CCDC92B: variants seen among roughly 807,000 people sequenced by gnomAD.
CCDC92B encodes the protein coiled-coil domain containing 92B.
A neutral mutation model predicts 5.6 loss-of-function variants in CCDC92B; 2 were observed. The ratio of observed to expected loss-of-function variants is 0.36; its 90% CI spans 0.15 to 1.12. CCDC92B has a LOEUF of 1.12. Ranked by LOEUF, CCDC92B falls within the 50% of genes most tolerant of loss-of-function variation. The pLI, the probability that CCDC92B is intolerant of heterozygous loss-of-function variation, is 0.40. For missense variants in CCDC92B, 271 were observed against 262.2 expected (o/e 1.03, Z -0.23); for synonymous variants, 115 against 122.3 (o/e 0.94, Z 0.39).
At chr17:2,732,710 C>A (rs1014256309) in intron 2 of CCDC92B, among the ~76,000 whole-genome samples, 1 of 150,816 alleles carries the variant, frequency 6.6e-6, no homozygotes, top group Non-Finnish European at 1.5e-5. Flanking sequence ...GAGCAAGACT[C>A]TGTTGTAAAA....
At chr17:2,745,066 C>CAAAAA (rs60179555) in intron 1 of CCDC92B, among the ~76,000 whole-genome samples, 1 of 79,338 alleles carries the variant, frequency 1.3e-5, no homozygotes, top group Non-Finnish European at 2.3e-5. Flanking sequence ...GACCCTGTCT[C>CAAAAA]AAAAAAAAAA....
chr17:2,724,932 C>T lies in CCDC92B; in HGVS notation c.247G>A (p.Ala83Thr), dbSNP rs1435187701. 19 of 985,362 alleles carry T rather than the reference C, an allele frequency of 1.9e-5. No homozygotes were observed. Among genetic ancestry groups the T allele is most frequent in the Non-Finnish European group, 2.2e-5 (18 of 830,012 alleles). The allele number at this position is 985,362 out of a possible 1,614,324, so 61.0% of individuals were successfully genotyped here. Residue 83 changes from alanine to threonine, a missense_variant, in exon 4 of 4, where the codon GCC (alanine) becomes ACC (threonine). By Grantham distance (58) the Ala-to-Thr change is moderately conservative (BLOSUM62 0). Coordinates refer to ENST00000614400, the MANE Select transcript of CCDC92B (RefSeq NM_001355573.2). This position sits in a 1 kb window ranked among gnomAD's most constrained non-coding sequence, Gnocchi z 5.0. ...ACCTCCCGCCGCAGCTCCGCGTTGG[C>T]CGCAGCACGCGCCTCCAGCTGCGAC... Reference protein sequence around the residue: ...LESQLEARAAANAELRREVAQ... With the variant: ...LESQLEARAATNAELRREVAQ...
rs1212575929 is a variant in CCDC92B, at chr17:2,724,451, G to T, written c.728C>A (p.Pro243His). 9 of 984,232 alleles carry T rather than the reference G, an allele frequency of 9.1e-6. No homozygotes were observed. The highest frequency in any genetic ancestry group is 1.1e-5 in the Non-Finnish European group (9 of 829,642). 61.0% of individuals were successfully genotyped at this position (984,232 alleles called of 1,614,324 possible). A position where few individuals can be genotyped will look rare whatever the true frequency, so the allele number is the denominator to read the frequency against. ...GGGCGCGCTGGGCTGGCTGGGCGCG[G>T]GCTGCGGGCCGGCTCGGTCCGGGGG... ...QEPPDRAGPQ[P>H]APSQPSAPGD... Residue 243 changes from proline (P) to histidine (H), a missense_variant, in exon 4 of 4, where the codon CCC becomes CAC. Coordinates refer to ENST00000614400, the MANE Select transcript of CCDC92B (RefSeq NM_001355573.2). This position sits in a 1 kb window ranked among gnomAD's most constrained non-coding sequence, Gnocchi z 5.0.
At chr17:2,741,398 T>C (rs543095373) in intron 1 of CCDC92B, among the ~76,000 whole-genome samples, 1 of 152,048 alleles carries the variant, frequency 6.6e-6, no homozygotes, top group African/African-American at 2.4e-5. Context: ...ACTTTTGGGC[T>C]GGGTGCGGGG....
At chr17:2,730,965 C>T (rs1011857671) in intron 2 of CCDC92B, among the ~76,000 whole-genome samples, 6 of 152,210 alleles carry the variant, frequency 3.9e-5, no homozygotes, top group Admixed American at 3.3e-4. Context: ...GAGGCAGGCT[C>T]GGCAGTGGCT....
intron 1 of CCDC92B, among the ~76,000 whole-genome samples, chr17:2,735,571 C>T (rs965816438): frequency 6.6e-6 from 1 of 152,158 alleles, no homozygotes; most frequent in Non-Finnish European, 1.5e-5. Context: ...GCTGGGATTA[C>T]AGGCAGCTGC....
chr17:2,725,190 A>G (rs1046510664), intron 3 of CCDC92B, among the ~76,000 whole-genome samples, 190 bp from the exon 4 acceptor site: 6 of 152,170 alleles, frequency 3.9e-5, no homozygotes, highest in Non-Finnish European at 8.8e-5. Context: ...CCTGGCCAAC[A>G]TGGTGAAACC....
At chr17:2,728,834 A>G (rs943704679) in intron 3 of CCDC92B, among the ~76,000 whole-genome samples, 2 of 152,180 alleles carry the variant, frequency 1.3e-5, no homozygotes, top group Non-Finnish European at 2.9e-5. Context: ...GATTAGTCCA[A>G]GTTCGTAAGT....
At chr17:2,725,607 C>G (rs766233451) in intron 3 of CCDC92B, among the ~76,000 whole-genome samples, 9 of 151,710 alleles carry the variant, frequency 5.9e-5, no homozygotes, top group Non-Finnish European at 1.3e-4. Context: ...ATTTGTGGAG[C>G]CCTGACTTTG....
At chr17:2,746,691 A>G (rs1175397048) in intron 1 of CCDC92B, among the ~76,000 whole-genome samples, 2 of 152,088 alleles carry the variant, frequency 1.3e-5, no homozygotes, top group Non-Finnish European at 2.9e-5. Context: ...TGTTTTTTTG[A>G]GACGGAGTCT....
chr17:2,731,430 G>A (rs947196595), intron 2 of CCDC92B, among the ~76,000 whole-genome samples: 2 of 152,182 alleles, frequency 1.3e-5, no homozygotes, highest in Non-Finnish European at 2.9e-5. Context: ...AGACCGACTC[G>A]GGGGCACCTG....
intron 3 of CCDC92B, 92 bp downstream of exon 3, chr17:2,730,354 G>A: frequency 1.4e-6 from 1 of 708,074 alleles, no homozygotes; most frequent in Non-Finnish European, 1.7e-6. Context: ...GTCTAGGCTG[G>A]GGACAGAGAA....
At chr17:2,744,553 T>C (rs1258879628) in intron 1 of CCDC92B, among the ~76,000 whole-genome samples, 1 of 152,148 alleles carries the variant, frequency 6.6e-6, no homozygotes, top group Non-Finnish European at 1.5e-5. Flanking sequence ...ATGAAGGACA[T>C]TGCTTTGGTT....
chr17:2,721,164 C>T lies in CCDC92B; in HGVS notation c.*3247G>A, dbSNP rs1401192678. ...CCCATTTTGGCCCTGGACTAGTCCC[C>T]CAAGCTAGAGGGTGCTGTGGCTGAG... is the stretch of plus-strand genomic sequence containing the variant. On this transcript the variant is annotated 3_prime_UTR_variant, in exon 4 of 4. Coordinates refer to ENST00000614400, the MANE Select transcript of CCDC92B (RefSeq NM_001355573.2). The T allele has an allele frequency of 6.6e-6, 1 of 152,350 alleles. No individual in the cohort carries two copies. Among genetic ancestry groups the T allele is most frequent in the Non-Finnish European group, 1.5e-5 (1 of 68,160 alleles). The allele number at this position is 152,350 out of a possible 1,614,324, so 9.4% of individuals were successfully genotyped here. A position where few individuals can be genotyped will look rare whatever the true frequency, so the allele number is the denominator to read the frequency against.
chr17:2,736,904 AAAT>A (rs2070864550), intron 1 of CCDC92B, among the ~76,000 whole-genome samples: 1 of 151,180 alleles, frequency 6.6e-6, no homozygotes, highest in Non-Finnish European at 1.5e-5. Flanking sequence ...ATAAATAAAT[AAAT>A]AAATAAAATA....
At chr17:2,739,473 G>A (rs1038579743) in intron 1 of CCDC92B, among the ~76,000 whole-genome samples, 1 of 151,492 alleles carries the variant, frequency 6.6e-6, no homozygotes, top group Non-Finnish European at 1.5e-5. Context: ...GAGGTCAGGA[G>A]ATCAAGACCA....
chr17:2,730,362 G>A, intron 3 of CCDC92B, 84 bp downstream of exon 3: 1 of 774,554 alleles, frequency 1.3e-6, no homozygotes, highest in Non-Finnish European at 1.6e-6. Context: ...TGGGGACAGA[G>A]AAGGTTTGGG....
At chr17:2,745,436 G>C (rs762545602) in intron 1 of CCDC92B, among the ~76,000 whole-genome samples, 1 of 152,192 alleles carries the variant, frequency 6.6e-6, no homozygotes, top group Non-Finnish European at 1.5e-5. Flanking sequence ...GAGCCAACCA[G>C]CTGTTTCTGT....
intron 3 of CCDC92B, among the ~76,000 whole-genome samples, chr17:2,726,913 CTT>C (rs564106911): frequency 1.6e-3 from 215 of 135,528 alleles, no homozygotes; most frequent in African/African-American, 5.1e-3. Context: ...ACGCCCAGCC[CTT>C]TTTTTTTTTT....
Sources: allele counts gnomAD v4.1 joint callset (sites outside exome capture counted in the v4.1 genomes callset), GRCh38; gene constraint gnomAD v4.1.1; non-coding constraint Gnocchi (gnomAD v3.1); transcripts MANE v1.5; gene names NCBI Gene and HGNC (gene_info 2026-07-23, HGNC 2026-07-21).